SLC14A2: variants seen among roughly 807,000 people sequenced by gnomAD.
SLC14A2 encodes the protein urea transporter 2.
SLC14A2 carries 91 observed loss-of-function variants against 104.6 expected under a neutral mutation model. That is an observed-to-expected ratio of 0.87 (90% confidence interval 0.73 to 1.04). The LOEUF (loss-of-function observed/expected upper bound fraction) is 1.04. Among genes scored for constraint, SLC14A2 ranks in the 50% least tolerant of loss-of-function variants. The probability of loss-of-function intolerance (pLI) is 0.00; values close to 1 mark genes in which losing one functional copy is unlikely to be tolerated. For synonymous variants in SLC14A2, 476 were observed against 466.4 expected (o/e 1.02, Z -0.27); for missense variants, 1,189 against 1,156.0 (o/e 1.03, Z -0.41).
intron 1 of SLC14A2, among the ~76,000 whole-genome samples, chr18:45,349,597 G>C (rs2085482687): frequency 6.6e-6 from 1 of 152,128 alleles, no homozygotes; most frequent in Admixed American, 6.5e-5. Context: ...ATGTTGCACT[G>C]GGCAATTCAA....
intron 1 of SLC14A2, among the ~76,000 whole-genome samples, chr18:45,314,261 C>T (rs1051826550): frequency 2.6e-5 from 4 of 152,130 alleles, no homozygotes; most frequent in African/African-American, 9.7e-5. Flanking sequence ...GGTAGAGCAA[C>T]CTTGCCCGTG....
chr18:45,282,634 A>T (rs2084774084), intron 1 of SLC14A2, among the ~76,000 whole-genome samples: 1 of 152,168 alleles, frequency 6.6e-6, no homozygotes, highest in African/African-American at 2.4e-5. Flanking sequence ...GCACATCTGC[A>T]CATCTAGGAG....
At chr18:45,395,153 T>G (rs1203955035) in intron 1 of SLC14A2, among the ~76,000 whole-genome samples, 1 of 152,204 alleles carries the variant, frequency 6.6e-6, no homozygotes, top group East Asian at 1.9e-4. Flanking sequence ...AATGGATGAA[T>G]GGATTTTTGG....
At chr18:45,607,280 C>T (rs1299774722) in intron 2 of SLC14A2, among the ~76,000 whole-genome samples, 1 of 152,244 alleles carries the variant, frequency 6.6e-6, no homozygotes, top group African/African-American at 2.4e-5. Flanking sequence ...TAAGACTCAA[C>T]CAATAGGAAA....
chr18:45,509,254 C>T (rs1184056330), intron 2 of SLC14A2, among the ~76,000 whole-genome samples: 1 of 152,152 alleles, frequency 6.6e-6, no homozygotes, highest in East Asian at 1.9e-4. Context: ...ATCTCCCTGT[C>T]TCTGCCTAAA....
At chr18:45,300,386 C>G (rs2084956684) in intron 1 of SLC14A2, among the ~76,000 whole-genome samples, 1 of 151,166 alleles carries the variant, frequency 6.6e-6, no homozygotes, top group Non-Finnish European at 1.5e-5. Context: ...AGAGCCTGCT[C>G]TATCTCAAGT....
In SLC14A2 at chr18:45,256,308, C is replaced by A. The variant is rs562088874; in HGVS notation, c.-125+43117C>A. 5.8e-4 allele frequency among the ~76,000 whole-genome samples: 88 copies of A among 152,272 alleles called. 1 individual carries two copies. Among genetic ancestry groups the A allele is most frequent in the African/African-American group, 1.8e-3 (76 of 41,550 alleles). On this transcript the variant is annotated intron_variant, in intron 1 of 20. Transcript: ENST00000586448. ...GAAGAATGAGGTGTCAGCAACAGGGCCAGCCCAAAGCTAAATTGTGGGGAA... is the reference window on the plus strand; with the variant it reads ...GAAGAATGAGGTGTCAGCAACAGGGACAGCCCAAAGCTAAATTGTGGGGAA...
At chr18:45,557,516 G>C (rs956381683) in intron 2 of SLC14A2, among the ~76,000 whole-genome samples, 3 of 152,172 alleles carry the variant, frequency 2.0e-5, no homozygotes, top group Non-Finnish European at 2.9e-5. Context: ...AAATAGCCTC[G>C]AGCAGCTGGG....
At chr18:45,209,368 AACAACAAC>A (rs1245517883), upstream of SLC14A2, among the ~76,000 whole-genome samples, 67 of 151,970 alleles carry the variant, frequency 4.4e-4, 1 homozygote, top group Non-Finnish European at 7.2e-4. Flanking sequence ...CAACAACAAC[AACAACAAC>A]AACTGTGGTC....
chr18:45,265,709 T>A (rs2084585419), intron 1 of SLC14A2, among the ~76,000 whole-genome samples: 1 of 152,182 alleles, frequency 6.6e-6, no homozygotes, highest in African/African-American at 2.4e-5. Context: ...GAGTAAAAGG[T>A]GCTTCAGGAA....
At chr18:45,643,680 T>A (rs369903683) in intron 9 of SLC14A2, among the ~76,000 whole-genome samples, 3 of 152,182 alleles carry the variant, frequency 2.0e-5, no homozygotes, top group Non-Finnish European at 2.9e-5. Flanking sequence ...ACTAGAGGCA[T>A]GCACCATCAT....
chr18:45,348,281 T>C (rs12605441), intron 1 of SLC14A2, among the ~76,000 whole-genome samples: 4,059 of 152,334 alleles, frequency 0.027, 62 homozygotes, highest in South Asian at 0.04. Context: ...CTTGACAGTA[T>C]TTAGTCCTCT....
chr18:45,434,568 C>G (rs1168034493), intron 1 of SLC14A2, among the ~76,000 whole-genome samples: 3 of 152,118 alleles, frequency 2.0e-5, no homozygotes, highest in Non-Finnish European at 4.4e-5. Flanking sequence ...TGCACAGAAC[C>G]AAGAGCAGGG....
chr18:45,419,957 A>AT (rs1317720162), intron 1 of SLC14A2, among the ~76,000 whole-genome samples: 2 of 152,240 alleles, frequency 1.3e-5, no homozygotes. Context: ...CTAAAGCTGC[A>AT]TAACAGATTG....
intron 2 of SLC14A2, among the ~76,000 whole-genome samples, chr18:45,498,620 C>T (rs2043140460): frequency 1.3e-5 from 2 of 152,188 alleles, no homozygotes; most frequent in Admixed American, 6.5e-5. Flanking sequence ...CAGATCTGCT[C>T]TGAAGTTAAC....
At chr18:45,195,087 C>G in the SLC14A2 span, among the ~76,000 whole-genome samples, 1 of 152,200 alleles carries the variant, frequency 6.6e-6, no homozygotes, top group Non-Finnish European at 1.5e-5. Flanking sequence ...CCTCTCCTTA[C>G]TGAAACTATT....
At chr18:45,391,829 G>A (rs138957251) in intron 1 of SLC14A2, among the ~76,000 whole-genome samples, 3 of 152,106 alleles carry the variant, frequency 2.0e-5, no homozygotes. Flanking sequence ...GATACTAGCC[G>A]TTTGTCAGAT....
the SLC14A2 span, among the ~76,000 whole-genome samples, chr18:45,194,614 T>C: frequency 2.0e-5 from 3 of 151,384 alleles, no homozygotes; most frequent in Admixed American, 2.0e-4. Flanking sequence ...TTATTGTCTT[T>C]GCATCTCTAT....
intron 19 of SLC14A2, 63 bp downstream of exon 19, chr18:45,679,087 C>T (rs2144665734): frequency 6.7e-7 from 1 of 1,495,564 alleles, no homozygotes; most frequent in East Asian, 2.3e-5. Flanking sequence ...TTGGCTTCCC[C>T]AAACCTGCTG....
Sources: allele counts gnomAD v4.1 joint callset (sites outside exome capture counted in the v4.1 genomes callset), GRCh38; gene constraint gnomAD v4.1.1; transcripts MANE v1.5; gene names NCBI Gene and HGNC (gene_info 2026-07-23, HGNC 2026-07-21).